ERC1: variants seen among roughly 807,000 people sequenced by gnomAD.
The protein encoded by ERC1 is ELKS/RAB6-interacting/CAST family member 1.
ERC1 carries 56 observed loss-of-function variants against 132.0 expected under a neutral mutation model. That is an observed-to-expected ratio of 0.42 (90% confidence interval 0.34 to 0.53). The LOEUF (loss-of-function observed/expected upper bound fraction) is 0.53, where lower values mean the gene tolerates loss of function less well. Among genes scored for constraint, ERC1 ranks in the 20% least tolerant of loss-of-function variants. The pLI is 0.03. For missense variants in ERC1, 1,202 were observed against 1,349.9 expected, an observed-to-expected ratio of 0.89 and a Z score of 1.72; for synonymous variants, 478 against 476.1, an observed-to-expected ratio of 1.00 and a Z score of -0.05.
intron 16 of ERC1, among the ~76,000 whole-genome samples, chr12:1,377,296 C>T (rs986113206): frequency 2.0e-5 from 3 of 152,186 alleles, no homozygotes; most frequent in East Asian, 1.9e-4. Context: ...GTTGTTTCAT[C>T]GGTAAAGCTG....
At chr12:1,211,574 T>G (rs1363009473) in intron 12 of ERC1, among the ~76,000 whole-genome samples, 1 of 152,134 alleles carries the variant, frequency 6.6e-6, no homozygotes, top group African/African-American at 2.4e-5. Context: ...TTGTCTTTTT[T>G]CTGAGATGGA....
At chr12:1,435,389 C>T (rs768702856) in intron 17 of ERC1, among the ~76,000 whole-genome samples, 6 of 151,986 alleles carry the variant, frequency 3.9e-5, no homozygotes, top group Non-Finnish European at 5.9e-5. Context: ...CTGCTAGGGT[C>T]GGGGAGGCAG....
Position 1,400,919 on chromosome 12 carries a change from T to TTA in ERC1, c.2926-7229_2926-7228insAT, listed in dbSNP as rs1566775077. Among the ~76,000 whole-genome samples the TTA allele has an allele frequency of 2.0e-3, 67 of 33,136 alleles. 4 individuals carry two copies. Among genetic ancestry groups the TTA allele is most frequent in the South Asian group, 4.5e-3 (3 of 670 alleles). The allele number at this position is 33,136 out of a possible 152,430, so 21.7% of individuals were successfully genotyped here. On this transcript the variant is annotated intron_variant, in intron 16 of 18. Coordinates refer to ENST00000360905, the MANE Select transcript of ERC1 (RefSeq NM_178040.4). The stretch of plus-strand genomic sequence containing the variant: ...ATATTGTTTTGGCTATTTTTGTATT[T>TTA]TTTTTTTTTTTTTTTTTTTTTTTTT...
At chr12:1,261,032 G>A (rs2077109704) in intron 13 of ERC1, among the ~76,000 whole-genome samples, 1 of 152,190 alleles carries the variant, frequency 6.6e-6, no homozygotes, top group Non-Finnish European at 1.5e-5. Context: ...CATGACATGA[G>A]TTTTATAATG....
At chr12:1,371,293 G>C (rs974298727) in intron 15 of ERC1, among the ~76,000 whole-genome samples, 1 of 152,166 alleles carries the variant, frequency 6.6e-6, no homozygotes, top group Non-Finnish European at 1.5e-5. Context: ...TGCAGTATTT[G>C]TCCTTCTGTG....
chr12:1,084,096 C>A (rs1183023317), intron 3 of ERC1, among the ~76,000 whole-genome samples: 2 of 152,172 alleles, frequency 1.3e-5, no homozygotes, highest in Admixed American at 6.5e-5. Flanking sequence ...CATTGGCTGC[C>A]ATGGAGGCAT....
At chr12:1,305,084 T>C (rs2080779365) in intron 15 of ERC1, among the ~76,000 whole-genome samples, 1 of 152,164 alleles carries the variant, frequency 6.6e-6, no homozygotes, top group African/African-American at 2.4e-5. Context: ...CCGGCCTGTT[T>C]GTTGTAACTC....
At chr12:1,284,830 T>C (rs2078938526) in intron 14 of ERC1, among the ~76,000 whole-genome samples, 1 of 152,154 alleles carries the variant, frequency 6.6e-6, no homozygotes, top group Admixed American at 6.5e-5. Flanking sequence ...GCTAATTTTT[T>C]GTAGAGATGA....
At chr12:1,260,097 T>TA (rs1246709588) in intron 13 of ERC1, among the ~76,000 whole-genome samples, 3 of 152,062 alleles carry the variant, frequency 2.0e-5, no homozygotes, top group Non-Finnish European at 4.4e-5. Context: ...TTCATTTTCA[T>TA]AGAGTATACC....
intron 18 of ERC1, among the ~76,000 whole-genome samples, chr12:1,479,260 T>G (rs575196539): frequency 6.6e-6 from 1 of 152,330 alleles, no homozygotes; most frequent in East Asian, 1.9e-4. Context: ...TTGGCTGTTC[T>G]GGGCTCTCTG....
At chr12:1,222,293 G>A (rs1357740410) in intron 12 of ERC1, among the ~76,000 whole-genome samples, 1 of 151,212 alleles carries the variant, frequency 6.6e-6, no homozygotes, top group Non-Finnish European at 1.5e-5. Flanking sequence ...GCAGTGGCGC[G>A]ATCTTGGCTC....
intron 16 of ERC1, chr12:1,379,917 C>T (rs11061731): frequency 0.4 from 61,360 of 151,688 alleles, 13,590 homozygotes; most frequent in African/African-American, 0.59. Flanking sequence ...GCAAGCCATC[C>T]TGAAGGCTGA....
At chr12:1,146,322 T>G (rs1566079634) in intron 8 of ERC1, among the ~76,000 whole-genome samples, 1 of 141,322 alleles carries the variant, frequency 7.1e-6, no homozygotes, top group African/African-American at 2.8e-5. Flanking sequence ...TTTTTTTTTT[T>G]TTTTTTTTTT....
At chr12:1,324,918 A>G (rs903757389) in intron 15 of ERC1, among the ~76,000 whole-genome samples, 11 of 152,212 alleles carry the variant, frequency 7.2e-5, no homozygotes, top group African/African-American at 1.4e-4. Context: ...GTCGCCCCTC[A>G]TACACATATA....
At chr12:1,459,951 G>C (rs1386874145) in intron 18 of ERC1, among the ~76,000 whole-genome samples, 1 of 152,202 alleles carries the variant, frequency 6.6e-6, no homozygotes, top group Non-Finnish European at 1.5e-5. Context: ...GATACAGATA[G>C]AGACAGATGT....
intron 8 of ERC1, among the ~76,000 whole-genome samples, chr12:1,159,642 C>T (rs909359305): frequency 6.6e-6 from 1 of 152,140 alleles, no homozygotes; most frequent in Non-Finnish European, 1.5e-5. Context: ...ATCTCAATAT[C>T]CTACGTGAAG....
chr12:1,229,639 T>C (rs1392653366), intron 12 of ERC1, among the ~76,000 whole-genome samples: 1 of 152,224 alleles, frequency 6.6e-6, no homozygotes, highest in African/African-American at 2.4e-5. Context: ...CTTGTACTCC[T>C]GTGGATCAGT....
intron 15 of ERC1, among the ~76,000 whole-genome samples, chr12:1,354,712 G>A (rs2085358150): frequency 2.0e-5 from 3 of 152,292 alleles, no homozygotes; most frequent in South Asian, 2.1e-4. Flanking sequence ...GTGCCGAAGC[G>A]CAGTGTCGGC....
At chr12:1,207,634 A>G (rs1957465022) in intron 12 of ERC1, among the ~76,000 whole-genome samples, 1 of 152,222 alleles carries the variant, frequency 6.6e-6, no homozygotes, top group African/African-American at 2.4e-5. Flanking sequence ...GAAAAAAAAT[A>G]CGTGAATGCA....
Sources: gnomAD v4.1 joint callset for allele counts (sites outside exome capture counted in the v4.1 genomes callset) on GRCh38, gnomAD v4.1.1 for gene constraint, MANE v1.5 for transcripts, NCBI Gene and HGNC (gene_info 2026-07-23, HGNC 2026-07-21) for gene names.